The following INTS10 variants were observed in gnomAD, a reference collection of about 807,000 sequenced individuals.
INTS10 encodes the protein integrator complex subunit 10, also known as chromosome 8 open reading frame 35.
In INTS10, 44 loss-of-function variants were observed where a neutral mutation model predicts 94.4. That is an observed-to-expected ratio of 0.47 (90% confidence interval 0.37 to 0.60). The LOEUF is 0.60. Ranked by LOEUF, INTS10 falls within the 20% of genes least tolerant of loss-of-function variation. The pLI is 0.00. For missense variants in INTS10, 797 were observed against 868.7 expected, an observed-to-expected ratio of 0.92 and a Z score of 1.04; for synonymous variants, 341 against 320.7, an observed-to-expected ratio of 1.06 and a Z score of -0.68.
At chr8:19,822,891 A>G (rs1052016328) in intron 5 of INTS10, among the ~76,000 whole-genome samples, 7 of 152,006 alleles carry the variant, frequency 4.6e-5, no homozygotes, top group African/African-American at 7.2e-5. Context: ...CGGAGGTTGC[A>G]GTAAGCCGAG....
Position 19,845,812 on chromosome 8 carries a change from T to C in INTS10, c.1976+15T>C. 2 of 1,575,918 alleles carry C rather than the reference T, an allele frequency of 1.3e-6. No homozygotes were observed. Among genetic ancestry groups the C allele is most frequent in the Non-Finnish European group, 1.7e-6 (2 of 1,145,168 alleles). On this transcript the variant is annotated intron_variant, in intron 16 of 16. Transcript: ENST00000397977. ...ATGCTGATCAAGTAAGCATGTTCTC[T>C]TTTGCTCTTCCATGCTGAGTGCTCA...
chr8:19,841,609 C>A (rs983831742), intron 13 of INTS10, among the ~76,000 whole-genome samples: 1 of 152,172 alleles, frequency 6.6e-6, no homozygotes, highest in Non-Finnish European at 1.5e-5. Context: ...AAACAATAAA[C>A]TACCATTTCA....
rs761284270 is a variant in INTS10, at chr8:19,818,338, G to C, written c.193G>C (p.Asp65His). ...RTATAGRLLYDMFVNFPDQPV... is the reference protein window; with the variant it reads ...RTATAGRLLYHMFVNFPDQPV... ...CGCCACCGCCGGGAGGCTGCTGTAC[G>C]ACATGTGAGTGGGACGCTTGACATC... Residue 65 changes from aspartate (D) to histidine (H), a missense_variant, in exon 2 of 17, where the codon GAC becomes CAC. Physicochemically the swap from Asp to His is moderately conservative, Grantham distance 81. This residue lies in a region of INTS10 where 734 missense variants were observed against 787.8 expected (regional missense o/e 0.93). Transcript: ENST00000397977. The C allele has an allele frequency of 1.2e-6, 2 of 1,614,008 alleles. No individual in the cohort carries two copies. The highest frequency in any genetic ancestry group is 2.2e-5 in the South Asian group (2 of 91,082).
intron 1 of INTS10, chr8:19,818,072 C>T (rs1454235869): frequency 1.6e-6 from 1 of 613,416 alleles, no homozygotes; most frequent in Non-Finnish European, 2.9e-6. Flanking sequence ...CTACTTAATC[C>T]TGGGAGCCTG....
In INTS10 at chr8:19,849,296, C is replaced by G. The variant is rs1158372625; in HGVS notation, c.1977-2353C>G. On this transcript the variant is annotated intron_variant, in intron 16 of 16. Coordinates refer to ENST00000397977, the MANE Select transcript of INTS10 (RefSeq NM_018142.4). This position sits in a 1 kb window ranked among gnomAD's most constrained non-coding sequence, Gnocchi z 4.6. The stretch of plus-strand genomic sequence containing the variant: ...GTGCTGTTTGTCAACATGTTCGCTG[C>G]CCATGGTTCTCAGCTCTTCGTTCCT... 23 of 872,022 alleles carry G rather than the reference C, an allele frequency of 2.6e-5. No homozygotes were observed. Among genetic ancestry groups the G allele is most frequent in the South Asian group, 2.1e-4 (15 of 71,388 alleles). The allele number at this position is 872,022 out of a possible 1,614,324, so 54.0% of individuals were successfully genotyped here.
intron 13 of INTS10, among the ~76,000 whole-genome samples, chr8:19,839,588 A>C (rs7824064): frequency 1.8e-3 from 268 of 152,046 alleles, no homozygotes; most frequent in African/African-American, 6.1e-3. Flanking sequence ...AGTTCCAGCT[A>C]TCTAGAGGCT....
rs190755175 is a variant in INTS10 at position 19,844,112 on chromosome 8, T to C, written c.1756T>C (p.Leu586=). The C allele has an allele frequency of 7.7e-5, 125 of 1,613,522 alleles. 1 individual carries two copies. The East Asian group carries it at 2.5e-3, about 32-fold the overall frequency. Residue 586 remains leucine, a synonymous_variant, in exon 15 of 17, where the codon TTG becomes CTG. Coordinates refer to ENST00000397977, the MANE Select transcript of INTS10 (RefSeq NM_018142.4). ...AFTDNRDDMA[L]GHVIVLLQQE... ...CACAGACAACAGAGACGACATGGCA[T>C]TGGGGCATGTGATTGTGTTGCTTCA... is the stretch of plus-strand genomic sequence containing the variant.
At chr8:19,831,132 G>A (rs941325857) in intron 10 of INTS10, among the ~76,000 whole-genome samples, 2 of 152,124 alleles carry the variant, frequency 1.3e-5, no homozygotes, top group East Asian at 1.9e-4. Flanking sequence ...CTTTGGAATC[G>A]GGGCCCCTTA....
chr8:19,836,102 C>T (rs2067640757), intron 12 of INTS10, among the ~76,000 whole-genome samples: 1 of 151,722 alleles, frequency 6.6e-6, no homozygotes, highest in Non-Finnish European at 1.5e-5. Flanking sequence ...CCAAGGCACA[C>T]ATATATGTAA....
In INTS10 at chr8:19,817,449, C is replaced by A. The variant is rs1010036546; in HGVS notation, c.-89C>A. The A allele has an allele frequency of 9.3e-6, 14 of 1,507,060 alleles. No individual in the cohort carries two copies. In the African/African-American group the frequency reaches 1.8e-4, roughly 19 times the overall value. The allele number at this position is 1,507,060 out of a possible 1,614,324, so 93.4% of individuals were successfully genotyped here. Reference sequence around the variant, plus strand: ...GCAGTAGCCTCCCCCGCGGTGGCGGCGGCGGCGGCGGTGGCTGCCGTGGCG... The same window carrying A: ...GCAGTAGCCTCCCCCGCGGTGGCGGAGGCGGCGGCGGTGGCTGCCGTGGCG... On this transcript the variant is annotated 5_prime_UTR_variant, in exon 1 of 17. Coordinates refer to ENST00000397977, the MANE Select transcript of INTS10 (RefSeq NM_018142.4).
Position 19,830,492 on chromosome 8 carries a change from G to A in INTS10, c.1227G>A (p.Val409=). The stretch of plus-strand genomic sequence containing the variant: ...CCGAACTTGCTAACTCCACTGAAGT[G>A]TTAGAAAGCTTTAAATTGGCCAGGG... ...NKAELANSTE[V]LESFKLARES... is the part of the protein sequence containing the mutation. Residue 409 remains valine (V), a synonymous_variant, in exon 10 of 17, where the codon GTG becomes GTA. Transcript: ENST00000397977. The A allele has an allele frequency of 3.7e-6, 6 of 1,614,138 alleles. No individual in the cohort carries two copies. Among genetic ancestry groups the A allele is most frequent in the South Asian group, 1.1e-5 (1 of 91,082 alleles).
At chr8:19,835,606 A>ATAGCTCTGGAGTACAAGTCCTGGC (rs2067594255) in intron 12 of INTS10, among the ~76,000 whole-genome samples, 4 of 152,238 alleles carry the variant, frequency 2.6e-5, no homozygotes, top group Admixed American at 2.6e-4. Context: ...ATGGCAGCTC[A>ATAGCTCTGGAGTACAAGTCCTGGC]TAGCTCTGGA....
At chr8:19,830,693 C>T (rs186929427) in intron 10 of INTS10, 134 bp downstream of exon 10, 75 of 823,244 alleles carry the variant, frequency 9.1e-5, no homozygotes, top group African/African-American at 6.5e-4. Context: ...TGTTTTGAGA[C>T]GGAGTCTCAC....
chr8:19,846,251 G>A lies in INTS10; in HGVS notation c.1976+454G>A, dbSNP rs534431202. Among the ~76,000 whole-genome samples, 42 of 149,240 alleles carry A rather than the reference G, an allele frequency of 2.8e-4. No homozygotes were observed. Among genetic ancestry groups the A allele is most frequent in the African/African-American group, 1.0e-3 (41 of 40,452 alleles). On this transcript the variant is annotated intron_variant, in intron 16 of 16. Transcript: ENST00000397977. The surrounding 1 kb of genome is among the most constrained non-coding windows in gnomAD (Gnocchi z 4.2). ...AGCCTGGCCAACATGGTGAAACCCC[G>A]TCTCTACTAAAAATACAAAAAAAAA... is the stretch of plus-strand genomic sequence containing the variant.
chr8:19,833,373 CT>C, intron 12 of INTS10, 52 bp downstream of exon 12: 1 of 1,366,136 alleles, frequency 7.3e-7, no homozygotes, highest in Non-Finnish European at 9.7e-7. Flanking sequence ...GCCACCTGGC[CT>C]TTCTCCTTTC....
At chr8:19,842,037 A>C (rs1255446085) in intron 13 of INTS10, 2 of 235,122 alleles carry the variant, frequency 8.5e-6, no homozygotes, top group Non-Finnish European at 1.7e-5. Context: ...GATAACAGAC[A>C]TAAAGAACAC....
intron 13 of INTS10, among the ~76,000 whole-genome samples, chr8:19,840,374 G>C (rs1253918570): frequency 6.6e-6 from 1 of 152,102 alleles, no homozygotes; most frequent in Non-Finnish European, 1.5e-5. Flanking sequence ...TAGATTCAAT[G>C]CAATTTCAAG....
rs1387866514 is a variant in INTS10, at chr8:19,829,208, A to G, written c.1141-1198A>G. Among the ~76,000 whole-genome samples, 3 of 152,242 alleles carry G rather than the reference A, an allele frequency of 2.0e-5. No homozygotes were observed. The East Asian group carries it at 5.8e-4, about 29-fold the overall frequency. On this transcript the variant is annotated intron_variant, in intron 9 of 16. Coordinates refer to ENST00000397977, the MANE Select transcript of INTS10 (RefSeq NM_018142.4). ...GTGCAGGTTTGTTACATATGTATAC[A>G]TGTAGTTGCACATATTTTTAAATGA...
Position 19,817,457 on chromosome 8 carries a change from G to A in INTS10, c.-81G>A, listed in dbSNP as rs561387295. ...CTCCCCCGCGGTGGCGGCGGCGGCG[G>A]CGGTGGCTGCCGTGGCGGCTGAGAG... is the stretch of plus-strand genomic sequence containing the variant. On this transcript the variant is annotated 5_prime_UTR_variant, in exon 1 of 17. Coordinates refer to ENST00000397977, the MANE Select transcript of INTS10 (RefSeq NM_018142.4). 4 of 1,532,266 alleles carry A rather than the reference G, an allele frequency of 2.6e-6. No homozygotes were observed. In the Admixed American group the frequency reaches 8.1e-5, roughly 31 times the overall value. The allele number at this position is 1,532,266 out of a possible 1,614,324, so 94.9% of individuals were successfully genotyped here. A position where few individuals can be genotyped will look rare whatever the true frequency, so the allele number is the denominator to read the frequency against.
Sources: gnomAD v4.1 joint callset for allele counts (sites outside exome capture counted in the v4.1 genomes callset) on GRCh38, gnomAD v4.1.1 for gene constraint, gnomAD v4.1.1 regional missense constraint, Gnocchi (gnomAD v3.1) non-coding constraint, MANE v1.5 for transcripts, NCBI Gene and HGNC (gene_info 2026-07-23, HGNC 2026-07-21) for gene names.